The following RGS17 variants were observed in gnomAD, a reference collection of about 807,000 sequenced individuals.
RGS17 encodes the protein regulator of G-protein signaling 17.
A neutral mutation model predicts 25.5 loss-of-function variants in RGS17; 12 were observed. The observed-to-expected ratio is 0.47, with a 90% confidence interval of 0.30 to 0.76. The LOEUF (loss-of-function observed/expected upper bound fraction) is 0.76. RGS17 is among the 30% of genes least tolerant of loss of function. The pLI, the probability that RGS17 is intolerant of heterozygous loss-of-function variation, is 0.07. For synonymous variants in RGS17, 71 were observed against 76.9 expected (o/e 0.92, Z 0.40); for missense variants, 196 against 242.2 (o/e 0.81, Z 1.27).
At chr6:153,110,157 T>G (rs1777446125) in intron 1 of RGS17, among the ~76,000 whole-genome samples, 1 of 152,144 alleles carries the variant, frequency 6.6e-6, no homozygotes, top group African/African-American at 2.4e-5. Flanking sequence ...TCAAGAGAGT[T>G]TTGTTTGGTT....
chr6:153,034,233 C>T (rs918148672), intron 2 of RGS17, among the ~76,000 whole-genome samples: 1 of 152,062 alleles, frequency 6.6e-6, no homozygotes, highest in African/African-American at 2.4e-5. Flanking sequence ...CCATGGAAGA[C>T]AACAATCTTG....
chr6:153,044,168 A>T, intron 1 of RGS17, 125 bp from the exon 2 acceptor site: 1 of 617,536 alleles, frequency 1.6e-6, no homozygotes, highest in Middle Eastern at 2.6e-4. Context: ...AAATAAGGAA[A>T]CTTGAGAGGC....
chr6:153,047,066 T>C (rs895918735), intron 1 of RGS17, among the ~76,000 whole-genome samples: 4 of 152,170 alleles, frequency 2.6e-5, no homozygotes, highest in African/African-American at 9.7e-5. Context: ...TGGTGGGCAA[T>C]GGAGTTATGT....
At chr6:153,019,918 TA>T (rs1188389162) in intron 4 of RGS17, among the ~76,000 whole-genome samples, 1 of 151,820 alleles carries the variant, frequency 6.6e-6, no homozygotes, top group Non-Finnish European at 1.5e-5. Flanking sequence ...AGTCTACTAT[TA>T]GGCTTAAAGG....
At chr6:153,125,068 T>C (rs1002902248) in intron 1 of RGS17, among the ~76,000 whole-genome samples, 2 of 152,194 alleles carry the variant, frequency 1.3e-5, no homozygotes, top group African/African-American at 4.8e-5. Flanking sequence ...ATTTTTAAAA[T>C]GAAATAAACA....
intron 1 of RGS17, among the ~76,000 whole-genome samples, chr6:153,065,204 G>C (rs1776690825): frequency 6.6e-6 from 1 of 152,028 alleles, no homozygotes; most frequent in Admixed American, 6.6e-5. Flanking sequence ...GAAGAGACAA[G>C]GTCACTATAT....
chr6:153,013,300 G>A (rs935468740), intron 4 of RGS17, among the ~76,000 whole-genome samples: 5 of 152,298 alleles, frequency 3.3e-5, no homozygotes, highest in South Asian at 4.1e-4. Context: ...AGGAGGCCAT[G>A]AACCATGCCC....
At position 153,022,161 on chromosome 6, in the gene RGS17, T is replaced by C. The variant is rs144554895; in HGVS notation, c.444+2101A>G. Among the ~76,000 whole-genome samples the C allele has an allele frequency of 7.7e-3, 1,169 of 152,306 alleles. 20 individuals carry two copies. The South Asian group carries it at 0.081, about 11-fold the overall frequency. Reference sequence around the variant, plus strand: ...AGGTGGAGGTTGCAGTGAGCTAAGATCGTGCCACTGCACTACAGCCTGGGT... The same window carrying C: ...AGGTGGAGGTTGCAGTGAGCTAAGACCGTGCCACTGCACTACAGCCTGGGT... On this transcript the variant is annotated intron_variant, in intron 4 of 4. Transcript: ENST00000206262.
At chr6:153,107,752 A>G (rs1777406352) in intron 1 of RGS17, among the ~76,000 whole-genome samples, 1 of 152,214 alleles carries the variant, frequency 6.6e-6, no homozygotes, top group South Asian at 2.1e-4. Context: ...CGTCTTCTCC[A>G]CATCTATCAT....
At chr6:153,073,972 A>C (rs1031526943) in intron 1 of RGS17, among the ~76,000 whole-genome samples, 11 of 152,192 alleles carry the variant, frequency 7.2e-5, no homozygotes, top group African/African-American at 1.9e-4. Context: ...TTTCAAGCTT[A>C]CTGTATGTTG....
chr6:153,084,968 T>C (rs936594501), intron 1 of RGS17, among the ~76,000 whole-genome samples: 5 of 152,194 alleles, frequency 3.3e-5, no homozygotes, highest in Non-Finnish European at 7.3e-5. Context: ...GTAAATAAGA[T>C]AACGTTACGA....
intron 1 of RGS17, among the ~76,000 whole-genome samples, chr6:153,065,560 A>C (rs1393450797): frequency 6.6e-6 from 1 of 152,218 alleles, no homozygotes; most frequent in African/African-American, 2.4e-5. Context: ...AACATTAAAA[A>C]ACTGAAATAA....
At chr6:153,116,745 T>TA (rs1474755457) in intron 1 of RGS17, among the ~76,000 whole-genome samples, 4 of 152,040 alleles carry the variant, frequency 2.6e-5, no homozygotes, top group African/African-American at 9.7e-5. Context: ...TAAGCCACCA[T>TA]AAAAAAGGAT....
chr6:153,096,867 G>A (rs909798321), intron 1 of RGS17, among the ~76,000 whole-genome samples: 1 of 152,068 alleles, frequency 6.6e-6, no homozygotes, highest in Non-Finnish European at 1.5e-5. Flanking sequence ...AAAGATGATA[G>A]ACAGCATCTG....
intron 1 of RGS17, among the ~76,000 whole-genome samples, chr6:153,070,749 ATATG>A (rs1189022548): frequency 2.6e-5 from 4 of 151,190 alleles, no homozygotes; most frequent in Admixed American, 2.0e-4. Flanking sequence ...ACATAGACGT[ATATG>A]TGTGTATGTA....
intron 1 of RGS17, among the ~76,000 whole-genome samples, chr6:153,089,999 T>C (rs1421591139): frequency 6.6e-6 from 1 of 152,212 alleles, no homozygotes; most frequent in Non-Finnish European, 1.5e-5. Flanking sequence ...CATCTTACTC[T>C]TGATTAACTG....
chr6:153,108,372 G>A (rs1340307150), intron 1 of RGS17, among the ~76,000 whole-genome samples: 1 of 152,120 alleles, frequency 6.6e-6, no homozygotes, highest in Admixed American at 6.5e-5. Flanking sequence ...TCTCAGAAAT[G>A]TACCTCAGAA....
At chr6:153,102,359 G>C (rs577513748) in intron 1 of RGS17, among the ~76,000 whole-genome samples, 1 of 152,230 alleles carries the variant, frequency 6.6e-6, no homozygotes, top group Non-Finnish European at 1.5e-5. Context: ...AGACAGACTA[G>C]TTCTAGAGTT....
chr6:153,074,606 G>A (rs922937966), intron 1 of RGS17, among the ~76,000 whole-genome samples: 6 of 152,248 alleles, frequency 3.9e-5, no homozygotes, highest in Admixed American at 6.5e-5. Context: ...CTTTAATTCC[G>A]TAATTGATGG....
Sources: gnomAD v4.1 joint callset for allele counts (sites outside exome capture counted in the v4.1 genomes callset) on GRCh38, gnomAD v4.1.1 for gene constraint, MANE v1.5 for transcripts, NCBI Gene and HGNC (gene_info 2026-07-23, HGNC 2026-07-21) for gene names.